HIVEP3: variants seen among roughly 807,000 people sequenced by gnomAD.
The protein encoded by HIVEP3 is transcription factor HIVEP3.
A neutral mutation model predicts 152.8 loss-of-function variants in HIVEP3; 49 were observed. That is an observed-to-expected ratio of 0.32 (90% CI 0.26 to 0.41). The LOEUF (loss-of-function observed/expected upper bound fraction) is 0.41. HIVEP3 is among the 10% of genes least tolerant of loss of function. The probability of loss-of-function intolerance (pLI) is 1.00; values close to 1 mark genes in which losing one functional copy is unlikely to be tolerated. For synonymous variants in HIVEP3, 1,269 were observed against 1,289.0 expected, an observed-to-expected ratio of 0.98 and a Z score of 0.33; for missense variants, 2,790 against 3,103.3, an observed-to-expected ratio of 0.90 and a Z score of 2.40.
intron 1 of HIVEP3, among the ~76,000 whole-genome samples, chr1:41,959,448 AG>A (rs1645157569): frequency 6.6e-6 from 1 of 152,196 alleles, no homozygotes; most frequent in Admixed American, 6.5e-5. Flanking sequence ...CTTACAGCAA[AG>A]AAAGTGCACA....
At chr1:41,996,162 G>A (rs1418861719) in intron 1 of HIVEP3, among the ~76,000 whole-genome samples, 1 of 151,982 alleles carries the variant, frequency 6.6e-6, no homozygotes, top group Non-Finnish European at 1.5e-5. Context: ...GGAGGCTGAG[G>A]TGAGAGGATC....
intron 1 of HIVEP3, among the ~76,000 whole-genome samples, chr1:41,754,641 G>A (rs1206801923): frequency 1.3e-5 from 2 of 152,052 alleles, no homozygotes; most frequent in Non-Finnish European, 2.9e-5. Context: ...AGTCAGCAGG[G>A]GTCGCCACAC....
At chr1:41,668,403 G>C (rs996362203) in intron 2 of HIVEP3, among the ~76,000 whole-genome samples, 1 of 152,228 alleles carries the variant, frequency 6.6e-6, no homozygotes, top group Non-Finnish European at 1.5e-5. Flanking sequence ...TGTGGAAGTG[G>C]CCTCACCCCA....
intron 1 of HIVEP3, among the ~76,000 whole-genome samples, chr1:41,752,101 A>T (rs1381722278): frequency 1.3e-5 from 2 of 152,180 alleles, no homozygotes; most frequent in Non-Finnish European, 2.9e-5. Context: ...CTGGTTCCTC[A>T]CTGCACAACA....
At chr1:41,554,537 A>G (rs1311814578) in intron 5 of HIVEP3, among the ~76,000 whole-genome samples, 1 of 152,212 alleles carries the variant, frequency 6.6e-6, no homozygotes, top group Non-Finnish European at 1.5e-5. Flanking sequence ...TTTGCTGGCA[A>G]GGAGCTGCGA....
rs1335764040 is a variant in HIVEP3, at chr1:41,990,485, A to G, written n.119+45322T>C. Among the ~76,000 whole-genome samples, 6 of 145,974 alleles carry G rather than the reference A, an allele frequency of 4.1e-5. No individual in the cohort carries two copies. The East Asian group carries it at 8.4e-4, about 20-fold the overall frequency. On this transcript the variant is annotated intron_variant and non_coding_transcript_variant, in intron 1 of 3. Transcript: ENST00000489103. Reference sequence around the variant, plus strand: ...ATATATATGCACCCAATACAGGAGCACCCAGATTCATAAAGCAAGTCCTGA... The same window carrying G: ...ATATATATGCACCCAATACAGGAGCGCCCAGATTCATAAAGCAAGTCCTGA...
chr1:41,967,752 G>A (rs1483985394), intron 1 of HIVEP3, among the ~76,000 whole-genome samples: 1 of 152,058 alleles, frequency 6.6e-6, no homozygotes, highest in East Asian at 1.9e-4. Flanking sequence ...AAAAATCAAT[G>A]AATTCAGGAG....
intron 1 of HIVEP3, among the ~76,000 whole-genome samples, chr1:41,878,622 G>C (rs920440971): frequency 6.6e-6 from 1 of 151,974 alleles, no homozygotes; most frequent in South Asian, 2.1e-4. Context: ...GGTGGGAGCT[G>C]AACTGGCCTA....
chr1:41,699,017 C>T (rs1330848571), intron 2 of HIVEP3, among the ~76,000 whole-genome samples: 1 of 152,184 alleles, frequency 6.6e-6, no homozygotes, highest in Non-Finnish European at 1.5e-5. Flanking sequence ...CTGGCCTGAC[C>T]TCCCATTAAG....
intron 2 of HIVEP3, among the ~76,000 whole-genome samples, chr1:41,632,822 G>A (rs1054613581): frequency 6.6e-6 from 1 of 152,076 alleles, no homozygotes; most frequent in Admixed American, 6.5e-5. Context: ...TGGCCAGAAT[G>A]TTCAAGAAAA....
At chr1:41,635,818 AT>A (rs1233537563) in intron 2 of HIVEP3, among the ~76,000 whole-genome samples, 1 of 151,838 alleles carries the variant, frequency 6.6e-6, no homozygotes, top group Non-Finnish European at 1.5e-5. Context: ...ATCAAAGAGA[AT>A]TTGATACATA....
intron 5 of HIVEP3, among the ~76,000 whole-genome samples, chr1:41,544,699 TCACCACCAC>T (rs61503937): frequency 1.0e-5 from 1 of 99,872 alleles, no homozygotes; most frequent in African/African-American, 3.6e-5. Context: ...ACTGCTACCA[TCACCACCAC>T]CACTACCACC....
intron 1 of HIVEP3, among the ~76,000 whole-genome samples, chr1:41,984,971 A>T (rs1645313586): frequency 6.6e-6 from 1 of 152,070 alleles, no homozygotes; most frequent in African/African-American, 2.4e-5. Context: ...ACTAAGTCAG[A>T]GGACTAAAAA....
chr1:41,797,720 G>T (rs969742868), intron 1 of HIVEP3, among the ~76,000 whole-genome samples: 25 of 152,186 alleles, frequency 1.6e-4, no homozygotes, highest in African/African-American at 6.0e-4. Context: ...CAGGCACGGT[G>T]GCTCATGCCT....
At chr1:41,528,751 C>A (rs1223576392) in intron 5 of HIVEP3, among the ~76,000 whole-genome samples, 10 of 138,932 alleles carry the variant, frequency 7.2e-5, no homozygotes, top group Admixed American at 7.1e-4. Flanking sequence ...CTCACATACT[C>A]CATCCTCACA....
intron 1 of HIVEP3, among the ~76,000 whole-genome samples, chr1:42,029,608 G>A (rs1404467099): frequency 6.6e-6 from 1 of 152,082 alleles, no homozygotes; most frequent in Non-Finnish European, 1.5e-5. Flanking sequence ...ATAAGTAGAG[G>A]GTAAAAATGC....
At chr1:41,775,191 A>C (rs1374886147) in intron 1 of HIVEP3, among the ~76,000 whole-genome samples, 2 of 152,158 alleles carry the variant, frequency 1.3e-5, no homozygotes, top group Admixed American at 1.3e-4. Context: ...TTTTGAAACA[A>C]ACTCCCTCCC....
At chr1:41,841,697 T>C (rs907680764) in intron 1 of HIVEP3, among the ~76,000 whole-genome samples, 1 of 152,220 alleles carries the variant, frequency 6.6e-6, no homozygotes, top group Admixed American at 6.5e-5. Context: ...AGGGCCTCAA[T>C]GTCCTCACGC....
rs561729043 is a variant in HIVEP3 at position 41,620,163 on chromosome 1, G to A, written c.-522+8586C>T. On this transcript the variant is annotated intron_variant, in intron 3 of 8. Transcript: ENST00000372583. The stretch of plus-strand genomic sequence containing the variant: ...CAGGGAGGCATGCCAAACAGAGCCC[G>A]AACAGAGGCAAGACAGCAGGGCTTG... Among the ~76,000 whole-genome samples the A allele has an allele frequency of 5.4e-4, 83 of 152,332 alleles. No individual in the cohort carries two copies. The South Asian group carries it at 5.6e-3, about 10-fold the overall frequency.
Sources: gnomAD v4.1 joint callset for allele counts (sites outside exome capture counted in the v4.1 genomes callset) on GRCh38, gnomAD v4.1.1 for gene constraint, MANE v1.5 for transcripts, NCBI Gene and HGNC (gene_info 2026-07-23, HGNC 2026-07-21) for gene names.